LRIG2: variants seen among roughly 807,000 people sequenced by gnomAD.
LRIG2 encodes the protein leucine-rich repeats and immunoglobulin-like domains protein 2.
Under a neutral mutation model 107.8 loss-of-function variants are expected in LRIG2, and 93 were observed. The observed-to-expected ratio is 0.86, with a 90% CI of 0.73 to 1.03. The LOEUF is 1.03. Among genes scored for constraint, LRIG2 ranks in the 50% least tolerant of loss-of-function variants. The pLI is 0.00. For synonymous variants in LRIG2, 471 were observed against 470.6 expected (o/e 1.00, Z -0.01); for missense variants, 1,226 against 1,296.0 (o/e 0.95, Z 0.83).
At chr1:113,089,618 T>TCATTATTA (rs1486339664) in intron 1 of LRIG2, among the ~76,000 whole-genome samples, 1 of 151,846 alleles carries the variant, frequency 6.6e-6, no homozygotes, top group Non-Finnish European at 1.5e-5. Context: ...ACCAATGCCG[T>TCATTATTA]CATTATTATT....
chr1:113,099,082 G>A (rs754690539), intron 9 of LRIG2, among the ~76,000 whole-genome samples: 11 of 151,800 alleles, frequency 7.2e-5, no homozygotes, highest in Non-Finnish European at 1.2e-4. Context: ...GATTACAAGC[G>A]CATGCCACCA....
At chr1:113,107,512 G>A in intron 11 of LRIG2, 82 bp from the exon 12 acceptor site, 1 of 1,254,784 alleles carries the variant, frequency 8.0e-7, no homozygotes, top group Non-Finnish European at 1.1e-6. Flanking sequence ...TAATGGATAG[G>A]TGTGTGGTAA....
At position 113,094,438 on chromosome 1, in the gene LRIG2, C is replaced by T. The variant is rs1653958991; in HGVS notation, c.615C>T (p.Ser205=). ...LVVKLNRNRM[S]MIPPKIFKLP... The stretch of plus-strand genomic sequence containing the variant: ...TAAAGTTAAACCGTAACCGAATGAG[C>T]ATGATTCCACCTAAGATCTTCAAGC... The change falls in exon 5 of 18, where the codon AGC becomes AGT. Residue 205 remains serine, a synonymous_variant. Coordinates refer to ENST00000361127, the MANE Select transcript of LRIG2 (RefSeq NM_014813.3). 6.2e-7 allele frequency: 1 copy of T among 1,612,986 alleles called. No individual in the cohort carries two copies. The highest frequency in any genetic ancestry group is 1.7e-5 in the Admixed American group (1 of 59,868).
chr1:113,119,394 G>C lies in LRIG2; in HGVS notation c.2842G>C (p.Val948Leu). Residue 948 changes from valine (V) to leucine (L), a missense_variant, in exon 17 of 18, where the codon GTA becomes CTA. Around this residue, in one of 3 missense-constraint regions of LRIG2, gnomAD observed 642 missense variants for 712.2 expected, o/e 0.90. Transcript: ENST00000361127. ...CCAAATGCCTAAAGAGACATATTTA[G>C]TACATCCTCCCCAGGATACTACTGC... is the stretch of plus-strand genomic sequence containing the variant. Reference protein sequence around the residue: ...MVQMPKETYLVHPPQDTTALE... With the variant: ...MVQMPKETYLLHPPQDTTALE... The C allele has an allele frequency of 6.2e-7, 1 of 1,614,006 alleles. No individual in the cohort carries two copies. Among genetic ancestry groups the C allele is most frequent in the Non-Finnish European group, 8.5e-7 (1 of 1,180,014 alleles).
At chr1:113,115,010 G>A in intron 15 of LRIG2, 134 bp downstream of exon 15, 5 of 771,416 alleles carry the variant, frequency 6.5e-6, no homozygotes, top group Non-Finnish European at 1.0e-5. Flanking sequence ...TCAGGAGGAT[G>A]AGGTGGGAGG....
chr1:113,121,244 T>G (rs1029744427), intron 17 of LRIG2, among the ~76,000 whole-genome samples: 10 of 152,232 alleles, frequency 6.6e-5, no homozygotes, highest in Non-Finnish European at 1.2e-4. Flanking sequence ...AGTTTTGGGC[T>G]TGTGTCCCCT....
In LRIG2 at chr1:113,124,413, A is replaced by G. The variant is rs1040479630; in HGVS notation, c.*312A>G. The G allele has an allele frequency of 1.3e-5, 5 of 397,448 alleles. No individual in the cohort carries two copies. The highest frequency in any genetic ancestry group is 1.2e-4 in the Admixed American group (3 of 24,738). The allele number at this position is 397,448 out of a possible 1,614,324, so 24.6% of individuals were successfully genotyped here. A position where few individuals can be genotyped will look rare whatever the true frequency, so the allele number is the denominator to read the frequency against. On this transcript the variant is annotated 3_prime_UTR_variant, in exon 18 of 18. Coordinates refer to ENST00000361127, the MANE Select transcript of LRIG2 (RefSeq NM_014813.3). ...GCATCTGCTTGTCAGGAAGAGTCAC[A>G]TTGCTGCTTAACATGCTGGATTGCC... is the stretch of plus-strand genomic sequence containing the variant.
At chr1:113,081,471 C>T (rs752815206) in intron 1 of LRIG2, among the ~76,000 whole-genome samples, 8 of 151,548 alleles carry the variant, frequency 5.3e-5, no homozygotes, top group Admixed American at 3.3e-4. Flanking sequence ...ACTACAGGCA[C>T]GCGCCACCAT....
At chr1:113,123,763 TTTCA>T in intron 17 of LRIG2, 108 bp from the exon 18 acceptor site, 21 of 684,904 alleles carry the variant, frequency 3.1e-5, no homozygotes, top group Middle Eastern at 3.4e-4. Flanking sequence ...GTGTGTGTGA[TTTCA>T]GTGTCCCTAT....
chr1:113,093,316 T>C (rs1653906144), intron 3 of LRIG2, 36 bp downstream of exon 3: 1 of 1,552,196 alleles, frequency 6.4e-7, no homozygotes, highest in Non-Finnish European at 8.7e-7. Flanking sequence ...TTACTTAAAT[T>C]ATGAAAAGTA....
intron 8 of LRIG2, among the ~76,000 whole-genome samples, chr1:113,097,137 A>G (rs1391045225): frequency 1.3e-5 from 2 of 151,784 alleles, no homozygotes; most frequent in African/African-American, 2.4e-5. Flanking sequence ...AAGTTATTCA[A>G]TTTACAGAAT....
At chr1:113,100,080 G>T in intron 9 of LRIG2, 131 bp from the exon 10 acceptor site, 1 of 498,744 alleles carries the variant, frequency 2.0e-6, no homozygotes, top group Non-Finnish European at 3.6e-6. Flanking sequence ...TATATCAATT[G>T]TACCTCAGTA....
At chr1:113,085,193 G>A (rs931101638) in intron 1 of LRIG2, among the ~76,000 whole-genome samples, 1 of 152,216 alleles carries the variant, frequency 6.6e-6, no homozygotes, top group African/African-American at 2.4e-5. Context: ...AATAACTAGT[G>A]GGTGATTAGC....
chr1:113,113,468 A>T (rs536059186), intron 14 of LRIG2, among the ~76,000 whole-genome samples: 51 of 149,894 alleles, frequency 3.4e-4, no homozygotes, highest in African/African-American at 9.5e-4. Context: ...TATTATTATT[A>T]TTTTTTTTAA....
chr1:113,084,688 C>T (rs1337072724), intron 1 of LRIG2, among the ~76,000 whole-genome samples: 1 of 152,124 alleles, frequency 6.6e-6, no homozygotes, highest in Non-Finnish European at 1.5e-5. Context: ...CACTTGGTTT[C>T]CTAATGCTAG....
chr1:113,079,963 C>T (rs1473307207), intron 1 of LRIG2, among the ~76,000 whole-genome samples: 3 of 149,664 alleles, frequency 2.0e-5, no homozygotes, highest in South Asian at 2.1e-4. Flanking sequence ...CTCCTTACCT[C>T]GTGATCCGCC....
chr1:113,081,630 C>T (rs1653292243), intron 1 of LRIG2, among the ~76,000 whole-genome samples: 1 of 152,090 alleles, frequency 6.6e-6, no homozygotes, highest in African/African-American at 2.4e-5. Context: ...AAGCAATTCT[C>T]CTGCCTCAGC....
chr1:113,115,501 G>A (rs1309325999), intron 15 of LRIG2, among the ~76,000 whole-genome samples: 1 of 151,104 alleles, frequency 6.6e-6, no homozygotes, highest in Non-Finnish European at 1.5e-5. Context: ...ATGAGCCACT[G>A]CGTCTGACCA....
chr1:113,116,229 C>G lies in LRIG2; in HGVS notation c.2531-58C>G. 2.7e-6 allele frequency: 4 copies of G among 1,498,242 alleles called. No homozygotes were observed. The South Asian group carries it at 4.9e-5, about 18-fold the overall frequency. 92.8% of individuals were successfully genotyped at this position (1,498,242 alleles called of 1,614,324 possible). A position where few individuals can be genotyped will look rare whatever the true frequency, so the allele number is the denominator to read the frequency against. On this transcript the variant is annotated intron_variant, in intron 15 of 17. Transcript: ENST00000361127. ...AAGTGGAACACATTTGCAAAATAGTCTTCTGAGTGTTGGCTTCAACTGCCT... is the reference window on the plus strand; with the variant it reads ...AAGTGGAACACATTTGCAAAATAGTGTTCTGAGTGTTGGCTTCAACTGCCT...
Sources: gnomAD v4.1 joint callset for allele counts (sites outside exome capture counted in the v4.1 genomes callset) on GRCh38, gnomAD v4.1.1 for gene constraint, gnomAD v4.1.1 regional missense constraint, MANE v1.5 for transcripts, NCBI Gene and HGNC (gene_info 2026-07-23, HGNC 2026-07-21) for gene names.